The following ASCC1 variants were observed in gnomAD, a reference collection of about 807,000 sequenced individuals.
ASCC1 encodes the protein ASC-1 complex subunit P50.
In ASCC1, 35 loss-of-function variants were observed where a neutral mutation model predicts 46.6. The ratio of observed to expected loss-of-function variants is 0.75; its 90% CI spans 0.57 to 0.99. ASCC1 has a LOEUF of 0.99. Ranked by LOEUF, ASCC1 falls within the 50% of genes least tolerant of loss-of-function variation. The pLI is 0.00. For synonymous variants in ASCC1, 143 were observed against 146.6 expected (o/e 0.98, Z 0.18); for missense variants, 376 against 428.7 (o/e 0.88, Z 1.09).
chr10:72,203,018 G>A (rs186454096), intron 4 of ASCC1, among the ~76,000 whole-genome samples: 2 of 152,228 alleles, frequency 1.3e-5, no homozygotes, highest in Admixed American at 6.5e-5. Flanking sequence ...CGGGCACGGT[G>A]GCTCACGTCT....
intron 9 of ASCC1, among the ~76,000 whole-genome samples, chr10:72,103,620 A>G (rs1842037273): frequency 2.6e-5 from 4 of 152,132 alleles, no homozygotes; most frequent in Admixed American, 1.3e-4. Context: ...TCCCTGAAGC[A>G]GACGATAAAA....
At chr10:72,211,266 A>G (rs933532470) in intron 2 of ASCC1, among the ~76,000 whole-genome samples, 25 of 152,152 alleles carry the variant, frequency 1.6e-4, no homozygotes, top group African/African-American at 5.8e-4. Context: ...ATTGTTATTA[A>G]TCTCTTACTG....
intron 9 of ASCC1, among the ~76,000 whole-genome samples, chr10:72,098,167 A>G (rs1841309853): frequency 6.6e-6 from 1 of 152,240 alleles, no homozygotes; most frequent in South Asian, 2.1e-4. Context: ...GATGAACCAT[A>G]CATACTCCAA....
At chr10:72,168,545 A>G (rs978655730) in intron 5 of ASCC1, among the ~76,000 whole-genome samples, 3 of 152,200 alleles carry the variant, frequency 2.0e-5, no homozygotes, top group Non-Finnish European at 2.9e-5. Flanking sequence ...GACACTATAA[A>G]TAAGTATTTA....
At chr10:72,157,689 T>G (rs1849147091) in intron 6 of ASCC1, among the ~76,000 whole-genome samples, 1 of 152,204 alleles carries the variant, frequency 6.6e-6, no homozygotes, top group African/African-American at 2.4e-5. Flanking sequence ...ACAACCTGAG[T>G]GTACTTAACA....
chr10:72,114,196 C>T (rs1425779787), intron 9 of ASCC1, among the ~76,000 whole-genome samples: 3 of 152,172 alleles, frequency 2.0e-5, no homozygotes, highest in Non-Finnish European at 2.9e-5. Context: ...TCTTTATCAG[C>T]TGAGTCTTGC....
intron 7 of ASCC1, among the ~76,000 whole-genome samples, chr10:72,144,589 T>A (rs1847416834): frequency 6.6e-6 from 1 of 152,136 alleles, no homozygotes; most frequent in Non-Finnish European, 1.5e-5. Context: ...GTTTGTCCCC[T>A]TTTTTCTGTC....
intron 5 of ASCC1, 61 bp from the exon 6 acceptor site, chr10:72,161,735 A>T: frequency 6.2e-7 from 1 of 1,605,478 alleles, no homozygotes; most frequent in Admixed American, 1.7e-5. Context: ...GGCAAGAATA[A>T]AATTGAGTCC....
intron 5 of ASCC1, among the ~76,000 whole-genome samples, chr10:72,173,661 C>T (rs1460172234): frequency 2.0e-5 from 3 of 152,200 alleles, no homozygotes; most frequent in African/African-American, 7.2e-5. Flanking sequence ...AAACTTTTCT[C>T]TTACTGAATT....
chr10:72,147,204 CA>C lies in ASCC1; in HGVS notation c.746+5664del, dbSNP rs1333546064. Among the ~76,000 whole-genome samples the C allele has an allele frequency of 2.0e-5, 3 of 151,648 alleles. No homozygotes were observed. In the South Asian group the frequency reaches 6.3e-4, roughly 32 times the overall value. ...AGCAGTACAAGAGGTGAGAATTATC[CA>C]AAAATGTTCTTGGTTGATTGCACTA... On this transcript the variant is annotated intron_variant, in intron 7 of 9. Coordinates refer to ENST00000672957, the MANE Select transcript of ASCC1 (RefSeq NM_001198800.3).
chr10:72,121,895 C>A (rs1176034637), intron 9 of ASCC1, among the ~76,000 whole-genome samples: 1 of 152,202 alleles, frequency 6.6e-6, no homozygotes, highest in Non-Finnish European at 1.5e-5. Context: ...TACCAACTGA[C>A]TGGATATAAT....
intron 9 of ASCC1, among the ~76,000 whole-genome samples, chr10:72,100,916 A>G (rs1373100387): frequency 6.6e-6 from 1 of 152,146 alleles, no homozygotes. Flanking sequence ...TATGACATGC[A>G]CTTGTCTAGA....
At position 72,172,499 on chromosome 10, in the gene ASCC1, CTTTT is replaced by C. The variant is rs956432607; in HGVS notation, c.490-10829_490-10826del. Among the ~76,000 whole-genome samples, 9 of 144,020 alleles carry C rather than the reference CTTTT, an allele frequency of 6.2e-5. 1 individual carries two copies. 94.5% of individuals were successfully genotyped at this position (144,020 alleles called of 152,430 possible). A position where few individuals can be genotyped will look rare whatever the true frequency, so the allele number is the denominator to read the frequency against. On this transcript the variant is annotated intron_variant, in intron 5 of 9. Transcript: ENST00000672957. ...TTTTTAAGCTTTTATAGATGTTGGG[CTTTT>C]TTTTCTTTTTTTCTTTTTCTTTTGT... is the stretch of plus-strand genomic sequence containing the variant.
At chr10:72,127,162 C>T (rs1202368513) in intron 9 of ASCC1, among the ~76,000 whole-genome samples, 2 of 152,218 alleles carry the variant, frequency 1.3e-5, no homozygotes. Flanking sequence ...ACTCCCTCCT[C>T]CACCTCAGCA....
intron 2 of ASCC1, among the ~76,000 whole-genome samples, chr10:72,212,553 A>G (rs1304592249): frequency 6.6e-6 from 1 of 152,166 alleles, no homozygotes; most frequent in Admixed American, 6.6e-5. Context: ...AAATTTATAC[A>G]TAATTACTTT....
chr10:72,103,330 C>T (rs1764303655), intron 9 of ASCC1, among the ~76,000 whole-genome samples: 2 of 151,718 alleles, frequency 1.3e-5, no homozygotes, highest in African/African-American at 4.9e-5. Context: ...GATGGGGTTT[C>T]ACCGTGTTAG....
At chr10:72,145,917 C>T (rs181827992) in intron 7 of ASCC1, among the ~76,000 whole-genome samples, 70 of 152,294 alleles carry the variant, frequency 4.6e-4, no homozygotes, top group African/African-American at 1.2e-3. Context: ...TGGCATATAA[C>T]AGCACTTCTA....
At chr10:72,199,598 C>T (rs1319696794) in intron 4 of ASCC1, among the ~76,000 whole-genome samples, 3 of 151,422 alleles carry the variant, frequency 2.0e-5, no homozygotes, top group African/African-American at 7.3e-5. Flanking sequence ...GCCTGGCCGG[C>T]TAATTTTTTG....
rs145442134 is a variant in ASCC1 at position 72,097,763 on chromosome 10, C to T, written c.958-313G>A. On this transcript the variant is annotated intron_variant, in intron 9 of 9. Coordinates refer to ENST00000672957, the MANE Select transcript of ASCC1 (RefSeq NM_001198800.3). ...GATATGACCAAGAACTTATAGCAAA[C>T]GCCCCATGGCCACACCCTGACTCAC... is the stretch of plus-strand genomic sequence containing the variant. 5.4e-4 allele frequency among the ~76,000 whole-genome samples: 83 copies of T among 152,364 alleles called. 2 individuals carry two copies. In the East Asian group the frequency reaches 0.014, roughly 26 times the overall value.
Sources: gnomAD v4.1 joint callset for allele counts (sites outside exome capture counted in the v4.1 genomes callset) on GRCh38, gnomAD v4.1.1 for gene constraint, MANE v1.5 for transcripts, NCBI Gene and HGNC (gene_info 2026-07-23, HGNC 2026-07-21) for gene names.